COL22A1: variants seen among roughly 807,000 people sequenced by gnomAD.
COL22A1 encodes collagen type XXII alpha 1 chain, also known as collagen alpha-1(XXII) chain.
A neutral mutation model predicts 248.9 loss-of-function variants in COL22A1; 221 were observed. The observed-to-expected ratio is 0.89, with a 90% CI of 0.80 to 0.99. The LOEUF (loss-of-function observed/expected upper bound fraction) is 0.99, where lower values mean the gene tolerates loss of function less well. Ranked by LOEUF, COL22A1 falls within the 50% of genes least tolerant of loss-of-function variation. COL22A1 has a pLI of 0.00. For synonymous variants in COL22A1, 891 were observed against 793.4 expected, an observed-to-expected ratio of 1.12 and a Z score of -2.07; for missense variants, 2,240 against 2,179.0, an observed-to-expected ratio of 1.03 and a Z score of -0.56.
Position 138,751,444 on chromosome 8 carries a change from G to C in COL22A1, c.2085+14C>G. On this transcript the variant is annotated intron_variant, in intron 22 of 64. Coordinates refer to ENST00000303045, the MANE Select transcript of COL22A1 (RefSeq NM_152888.3). ...GTGAGCTGAGGAATCACAAAGAAAAGAGAGTTTACTTACTCGGAGACCTTG... is the reference window on the plus strand; with the variant it reads ...GTGAGCTGAGGAATCACAAAGAAAACAGAGTTTACTTACTCGGAGACCTTG... 2 of 1,600,560 alleles carry C rather than the reference G, an allele frequency of 1.2e-6. No individual in the cohort carries two copies. Among genetic ancestry groups the C allele is most frequent in the Non-Finnish European group, 8.5e-7 (1 of 1,171,012 alleles).
At chr8:138,832,363 G>A (rs1391524010) in intron 5 of COL22A1, among the ~76,000 whole-genome samples, 1 of 152,030 alleles carries the variant, frequency 6.6e-6, no homozygotes, top group East Asian at 1.9e-4. Flanking sequence ...ACCCTCTCTT[G>A]GGGTCAGGAT....
intron 27 of COL22A1, 73 bp downstream of exon 27, chr8:138,720,666 G>T: frequency 1.6e-6 from 2 of 1,221,228 alleles, no homozygotes; most frequent in South Asian, 2.4e-5. Flanking sequence ...ATGGTAAGTC[G>T]AGATTCACAC....
chr8:138,702,201 T>A (rs760763977), intron 31 of COL22A1, among the ~76,000 whole-genome samples: 1 of 152,156 alleles, frequency 6.6e-6, no homozygotes, highest in East Asian at 1.9e-4. Flanking sequence ...ACCAAAAAGG[T>A]ATGAGACTGC....
At chr8:138,750,375 G>GA (rs1468023310) in intron 22 of COL22A1, among the ~76,000 whole-genome samples, 1 of 152,170 alleles carries the variant, frequency 6.6e-6, no homozygotes, top group African/African-American at 2.4e-5. Context: ...ACAGTTCTTT[G>GA]AAAACCAAAG....
chr8:138,801,763 C>T (rs2131625729), intron 11 of COL22A1, among the ~76,000 whole-genome samples: 1 of 152,156 alleles, frequency 6.6e-6, no homozygotes, highest in South Asian at 2.1e-4. Context: ...CACAGTAATC[C>T]CAGCTATTCG....
At chr8:138,706,589 T>C (rs1230466851) in intron 30 of COL22A1, among the ~76,000 whole-genome samples, 3 of 152,106 alleles carry the variant, frequency 2.0e-5, no homozygotes, top group African/African-American at 4.8e-5. Context: ...TTGAAACCAA[T>C]GAGAACAGAG....
intron 3 of COL22A1, among the ~76,000 whole-genome samples, chr8:138,876,998 C>A (rs961331219): frequency 1.2e-4 from 19 of 152,200 alleles, no homozygotes; most frequent in Non-Finnish European, 2.9e-5. Context: ...ATGAGAAACC[C>A]ACTTCATCCT....
chr8:138,642,004 T>A (rs184448394), intron 47 of COL22A1, among the ~76,000 whole-genome samples: 38 of 152,306 alleles, frequency 2.5e-4, no homozygotes, highest in Admixed American at 1.2e-3. Context: ...AGAACCACAA[T>A]AGACTGAGTC....
At chr8:138,840,446 CG>C (rs1435207308) in intron 4 of COL22A1, among the ~76,000 whole-genome samples, 2 of 151,924 alleles carry the variant, frequency 1.3e-5, no homozygotes, top group African/African-American at 4.8e-5. Context: ...TAGAGGGTCC[CG>C]GTCACCAAAC....
intron 29 of COL22A1, among the ~76,000 whole-genome samples, 171 bp downstream of exon 29, chr8:138,716,056 G>A (rs1424271215): frequency 6.6e-6 from 1 of 152,102 alleles, no homozygotes; most frequent in South Asian, 2.1e-4. Context: ...CCCAGCTCAA[G>A]GACCCAAGTA....
At position 138,722,021 on chromosome 8, in the gene COL22A1, G is replaced by C; in HGVS notation, c.2301+15C>G. ...TTGGGTTCCCAAACTGGTGCCAACC[G>C]CATCAGTGACCAACCTTGGTTCCTG... On this transcript the variant is annotated intron_variant, in intron 26 of 64. Coordinates refer to ENST00000303045, the MANE Select transcript of COL22A1 (RefSeq NM_152888.3). 11 of 1,564,102 alleles carry C rather than the reference G, an allele frequency of 7.0e-6. No individual in the cohort carries two copies. The highest frequency in any genetic ancestry group is 9.6e-6 in the Non-Finnish European group (11 of 1,151,614).
rs1008235496 is a variant in COL22A1 at position 138,604,639 on chromosome 8, A to G, written c.4140+95T>C. The G allele has an allele frequency of 5.1e-6, 5 of 986,632 alleles. No homozygotes were observed. In the Admixed American group the frequency reaches 9.4e-5, roughly 19 times the overall value. 61.1% of individuals were successfully genotyped at this position (986,632 alleles called of 1,614,324 possible). Reference sequence around the variant, plus strand: ...AGTGAAGGTAGAGAGTGTTAAGGCAAGTGTGGGCCCTTCTAAGCCCAGGGC... The same window carrying G: ...AGTGAAGGTAGAGAGTGTTAAGGCAGGTGTGGGCCCTTCTAAGCCCAGGGC... On this transcript the variant is annotated intron_variant, in intron 59 of 64. Transcript: ENST00000303045.
chr8:138,725,565 TA>T, intron 23 of COL22A1, 125 bp from the exon 24 acceptor site: 1 of 769,252 alleles, frequency 1.3e-6, no homozygotes, highest in Non-Finnish European at 2.1e-6. Flanking sequence ...ACTTTATTTG[TA>T]ATGCCTGATT....
Position 138,663,494 on chromosome 8 carries a change from T to C in COL22A1, c.3186+211A>G, listed in dbSNP as rs369314634. On this transcript the variant is annotated intron_variant, in intron 42 of 64. Transcript: ENST00000303045. Reference sequence around the variant, plus strand: ...CCAGTCTGTTTGCCTGACTATAATATGGGTGTGGCATCCCTTCTCTGCTCA... The same window carrying C: ...CCAGTCTGTTTGCCTGACTATAATACGGGTGTGGCATCCCTTCTCTGCTCA... Among the ~76,000 whole-genome samples, 75 of 152,318 alleles carry C rather than the reference T, an allele frequency of 4.9e-4. 1 individual carries two copies. The South Asian group carries it at 0.015, about 31-fold the overall frequency.
chr8:138,772,863 G>GA (rs1158465787), intron 16 of COL22A1, among the ~76,000 whole-genome samples: 3 of 151,928 alleles, frequency 2.0e-5, no homozygotes, highest in Admixed American at 6.6e-5. Context: ...CTCCGTCTCA[G>GA]AAAAAATAAA....
chr8:138,675,712 G>A (rs959399305), intron 41 of COL22A1, among the ~76,000 whole-genome samples: 1 of 152,180 alleles, frequency 6.6e-6, no homozygotes, highest in Non-Finnish European at 1.5e-5. Context: ...CTTCAAGGTT[G>A]TAAACTGGTC....
chr8:138,757,725 T>C (rs1424192429), intron 18 of COL22A1, among the ~76,000 whole-genome samples: 2 of 152,246 alleles, frequency 1.3e-5, no homozygotes, highest in Non-Finnish European at 2.9e-5. Flanking sequence ...GTCTTAAAGA[T>C]GAGGAAACTG....
At chr8:138,699,185 T>C (rs946152815) in intron 32 of COL22A1, among the ~76,000 whole-genome samples, 3 of 152,114 alleles carry the variant, frequency 2.0e-5, no homozygotes, top group Non-Finnish European at 2.9e-5. Flanking sequence ...CCTAAGTCCA[T>C]GCTGCCCTAG....
At chr8:138,699,308 CAGGATTCTTTTAAGCTTTT>C (rs1337156873) in intron 32 of COL22A1, among the ~76,000 whole-genome samples, 1 of 152,168 alleles carries the variant, frequency 6.6e-6, no homozygotes, top group Non-Finnish European at 1.5e-5. Flanking sequence ...GCATCACACG[CAGGATTCTTTTAAGCTTTT>C]AAAATGGAAT....
Sources: allele counts gnomAD v4.1 joint callset (sites outside exome capture counted in the v4.1 genomes callset), GRCh38; gene constraint gnomAD v4.1.1; transcripts MANE v1.5; gene names NCBI Gene and HGNC (gene_info 2026-07-23, HGNC 2026-07-21).